COL6A6: variants seen among roughly 807,000 people sequenced by gnomAD.
COL6A6 encodes collagen type VI alpha 6 chain.
Under a neutral mutation model 208.6 loss-of-function variants are expected in COL6A6, and 183 were observed. That is an observed-to-expected ratio of 0.88 (90% CI 0.78 to 0.99). The LOEUF (loss-of-function observed/expected upper bound fraction) is 0.99, where lower values mean the gene tolerates loss of function less well. Among genes scored for constraint, COL6A6 ranks in the 50% least tolerant of loss-of-function variants. The pLI, the probability that COL6A6 is intolerant of heterozygous loss-of-function variation, is 0.00. For missense variants in COL6A6, 2,816 were observed against 2,815.2 expected, an observed-to-expected ratio of 1.00 and a Z score of -0.01; for synonymous variants, 973 against 1,011.8, an observed-to-expected ratio of 0.96 and a Z score of 0.73.
chr3:130,571,240 C>A lies in COL6A6; in HGVS notation c.2824C>A (p.Leu942Ile), dbSNP rs777893741. 2.9e-5 allele frequency: 46 copies of A among 1,613,934 alleles called. No homozygotes were observed. The East Asian group carries it at 9.8e-4, about 34-fold the overall frequency. Residue 942 changes from leucine (L) to isoleucine (I), a missense_variant, in exon 7 of 37, where the codon CTT becomes ATT. Leu to Ile is a conservative substitution (Grantham distance 5). Coordinates refer to ENST00000358511, the MANE Select transcript of COL6A6 (RefSeq NM_001102608.3). ...TAKALRDKGI[L>I]VLAVGIDGAN... Reference sequence around the variant, plus strand: ...AAAGGCCTTGCGGGACAAAGGCATTCTTGTCCTGGCTGTGGGGATTGATGG... The same window carrying A: ...AAAGGCCTTGCGGGACAAAGGCATTATTGTCCTGGCTGTGGGGATTGATGG...
intron 28 of COL6A6, among the ~76,000 whole-genome samples, chr3:130,641,218 G>A (rs1197935278): frequency 6.9e-6 from 1 of 144,774 alleles, no homozygotes. Context: ...ATTATCTATT[G>A]CCTGTTACAA....
At chr3:130,669,768 T>C (rs1258210293) in intron 36 of COL6A6, among the ~76,000 whole-genome samples, 2 of 152,240 alleles carry the variant, frequency 1.3e-5, no homozygotes, top group Non-Finnish European at 2.9e-5. Flanking sequence ...AACTTAAGAA[T>C]GTGCATATAT....
intron 11 of COL6A6, among the ~76,000 whole-genome samples, chr3:130,587,427 A>T (rs1228953380): frequency 6.6e-6 from 1 of 152,182 alleles, no homozygotes; most frequent in Non-Finnish European, 1.5e-5. Context: ...ATGCCCGGCT[A>T]ATTTTTGTAT....
chr3:130,572,015 A>T (rs1274392229), intron 7 of COL6A6, among the ~76,000 whole-genome samples: 2 of 152,010 alleles, frequency 1.3e-5, no homozygotes, highest in African/African-American at 4.8e-5. Context: ...CTTCATTAGA[A>T]CACATATGTG....
intron 34 of COL6A6, 56 bp downstream of exon 34, chr3:130,658,828 C>A (rs2065868749): frequency 7.9e-7 from 1 of 1,272,218 alleles, no homozygotes; most frequent in Non-Finnish European, 1.1e-6. Context: ...TGATGAGTCA[C>A]CACTGGCAGG....
chr3:130,621,888 GTCACAT>G lies in COL6A6; in HGVS notation c.4878+8_4878+13del. 2 of 1,612,648 alleles carry G rather than the reference GTCACAT, an allele frequency of 1.2e-6. No homozygotes were observed. The highest frequency in any genetic ancestry group is 1.7e-6 in the Non-Finnish European group (2 of 1,178,732). ...TTGGGAAGCCAAGGAAATAAAGTAG[GTCACAT>G]TCTTTATACTCACCAAAGTTGAGGT... is the stretch of plus-strand genomic sequence containing the variant. On this transcript the variant is annotated splice_donor_region_variant and intron_variant, in intron 24 of 36. Coordinates refer to ENST00000358511, the MANE Select transcript of COL6A6 (RefSeq NM_001102608.3).
chr3:130,675,364 G>C lies in COL6A6; in HGVS notation c.6759G>C (p.Arg2253Ser). The change falls in exon 37 of 37, where the codon AGG (arginine) becomes AGC (serine). Residue 2253 changes from arginine to serine, a missense_variant. Coordinates refer to ENST00000358511, the MANE Select transcript of COL6A6 (RefSeq NM_001102608.3). Reference protein sequence around the residue: ...RSTSHTFKNGRMIESAPKQHD With the variant: ...RSTSHTFKNGSMIESAPKQHD ...CCTCCCATACCTTTAAGAATGGAAGGATGATAGAAAGTGCTCCCAAACAAC... is the reference window on the plus strand; with the variant it reads ...CCTCCCATACCTTTAAGAATGGAAGCATGATAGAAAGTGCTCCCAAACAAC... 6.3e-7 allele frequency: 1 copy of C among 1,594,358 alleles called. No homozygotes were observed.
chr3:130,575,893 A>G (rs1482263453), intron 8 of COL6A6, among the ~76,000 whole-genome samples: 2 of 149,304 alleles, frequency 1.3e-5, no homozygotes, highest in African/African-American at 4.9e-5. Context: ...TCTCTCCATC[A>G]CAGTTTTTTT....
intron 1 of COL6A6, among the ~76,000 whole-genome samples, chr3:130,547,870 T>C (rs960878242): frequency 6.6e-6 from 1 of 152,240 alleles, no homozygotes; most frequent in Non-Finnish European, 1.5e-5. Context: ...CCGTCTCGGC[T>C]CGCTGCAACC....
intron 8 of COL6A6, among the ~76,000 whole-genome samples, chr3:130,578,705 C>T (rs2063350573): frequency 6.6e-6 from 1 of 152,164 alleles, no homozygotes; most frequent in South Asian, 2.1e-4. Flanking sequence ...GTTATCCAGC[C>T]CCTTATGGAA....
In COL6A6 at chr3:130,676,385, G is replaced by A. The variant is rs1008008215; in HGVS notation, c.*988G>A. ...AGAGATGCAAAAGAGATCAGAGTAA[G>A]TTAAAGTAGGAAAGGTTTTATAAAA... On this transcript the variant is annotated 3_prime_UTR_variant, in exon 37 of 37. Coordinates refer to ENST00000358511, the MANE Select transcript of COL6A6 (RefSeq NM_001102608.3). 1.3e-5 allele frequency: 2 copies of A among 152,242 alleles called. No individual in the cohort carries two copies. Among genetic ancestry groups the A allele is most frequent in the Non-Finnish European group, 2.9e-5 (2 of 68,046 alleles). 9.4% of individuals were successfully genotyped at this position (152,242 alleles called of 1,614,324 possible).
At chr3:130,673,220 A>AACAAAAAAAAACC (rs1553724904) in intron 36 of COL6A6, among the ~76,000 whole-genome samples, 3 of 129,624 alleles carry the variant, frequency 2.3e-5, no homozygotes, top group African/African-American at 8.7e-5. Flanking sequence ...AAAAAAACAA[A>AACAAAAAAAAACC]AAAAAAAAAC....
In COL6A6 at chr3:130,661,725, C is replaced by T. The variant is rs200097884; in HGVS notation, c.5919C>T (p.Ser1973=). 7.7e-5 allele frequency: 125 copies of T among 1,613,908 alleles called. No homozygotes were observed. The East Asian group carries it at 2.7e-3, about 35-fold the overall frequency. The change falls in exon 35 of 37, where the codon TCC becomes TCT. Residue 1973 remains serine, a synonymous_variant. Transcript: ENST00000358511. ...ATGCTGCTTTCCTTCTGGATGCCTC[C>T]CGGAACATGGGAAGTGCTGAATTTG... ...YMDAAFLLDA[S]RNMGSAEFED...
chr3:130,641,773 G>GTGCATGAAATCTTCAT, intron 29 of COL6A6, 59 bp downstream of exon 29: 1 of 983,122 alleles, frequency 1.0e-6, no homozygotes, highest in Admixed American at 2.3e-5. Flanking sequence ...AAAAAAGTCA[G>GTGCATGAAATCTTCAT]TGCATGAAAT....
chr3:130,535,990 A>G (rs1464770157), intron 1 of COL6A6, among the ~76,000 whole-genome samples: 3 of 152,224 alleles, frequency 2.0e-5, no homozygotes, highest in Non-Finnish European at 4.4e-5. Flanking sequence ...AAGAATTGCT[A>G]TGAATACTAA....
In COL6A6 at chr3:130,665,021, C is replaced by T. The variant is rs758598222; in HGVS notation, c.6521C>T (p.Pro2174Leu). Reference protein sequence around the residue: ...NSIRRAINKYPPINLKIKCNR... With the variant: ...NSIRRAINKYLPINLKIKCNR... ...CTTCTAGGTGCAATCAACAAATATC[C>T]ACCAATAAACTTAAAAATAAAGTGC... The change falls in exon 36 of 37, where the codon CCA (proline) becomes CTA (leucine). Residue 2174 changes from proline (P) to leucine (L), a missense_variant. Transcript: ENST00000358511. 19 of 1,603,986 alleles carry T rather than the reference C, an allele frequency of 1.2e-5. 1 individual carries two copies. The South Asian group carries it at 1.3e-4, about 11-fold the overall frequency.
chr3:130,561,538 G>A (rs1268725467), intron 2 of COL6A6, among the ~76,000 whole-genome samples: 1 of 150,660 alleles, frequency 6.6e-6, no homozygotes, highest in East Asian at 2.0e-4. Flanking sequence ...AAAGATTGAA[G>A]TTATTCTAAT....
chr3:130,568,694 T>G (rs1012346662), intron 6 of COL6A6, 90 bp downstream of exon 6: 1 of 1,211,630 alleles, frequency 8.3e-7, no homozygotes, highest in Non-Finnish European at 1.1e-6. Context: ...TATTTACATA[T>G]TGTAAACTTT....
intron 1 of COL6A6, among the ~76,000 whole-genome samples, chr3:130,528,071 A>G (rs751897453): frequency 6.6e-6 from 1 of 152,028 alleles, no homozygotes; most frequent in Non-Finnish European, 1.5e-5. Flanking sequence ...TGAAAGCTTA[A>G]TCATAGATTT....
Sources: gnomAD v4.1 joint callset for allele counts (sites outside exome capture counted in the v4.1 genomes callset) on GRCh38, gnomAD v4.1.1 for gene constraint, MANE v1.5 for transcripts, NCBI Gene and HGNC (gene_info 2026-07-23, HGNC 2026-07-21) for gene names.